Variants in MDGA2 observed in about 807,000 individuals in gnomAD.
MDGA2 encodes MAM domain-containing glycosylphosphatidylinositol anchor protein 2.
MDGA2 carries 40 observed loss-of-function variants against 117.8 expected under a neutral mutation model. The ratio of observed to expected loss-of-function variants is 0.34; its 90% CI spans 0.26 to 0.44. MDGA2 has a LOEUF of 0.44. Ranked by LOEUF, MDGA2 falls within the 20% of genes least tolerant of loss-of-function variation. The probability of loss-of-function intolerance (pLI) is 1.00; values close to 1 mark genes in which losing one functional copy is unlikely to be tolerated. For synonymous variants in MDGA2, 452 were observed against 439.0 expected, an observed-to-expected ratio of 1.03 and a Z score of -0.37; for missense variants, 1,123 against 1,250.6, an observed-to-expected ratio of 0.90 and a Z score of 1.54.
At chr14:47,324,603 T>A (rs909032111) in intron 1 of MDGA2, among the ~76,000 whole-genome samples, 3 of 152,180 alleles carry the variant, frequency 2.0e-5, no homozygotes, top group Admixed American at 2.0e-4. Flanking sequence ...CATCTTAGTT[T>A]CCTTGAAAAA....
intron 6 of MDGA2, among the ~76,000 whole-genome samples, chr14:47,066,581 T>C (rs746237321): frequency 6.6e-6 from 1 of 152,216 alleles, no homozygotes; most frequent in Non-Finnish European, 1.5e-5. Flanking sequence ...ACTAGTTAGC[T>C]ATGTGTATGG....
chr14:47,067,604 C>G (rs1009263821), intron 6 of MDGA2, among the ~76,000 whole-genome samples: 1 of 152,116 alleles, frequency 6.6e-6, no homozygotes, highest in Non-Finnish European at 1.5e-5. Flanking sequence ...CTCTTTCTTT[C>G]CAACCAACAA....
intron 1 of MDGA2, among the ~76,000 whole-genome samples, chr14:47,465,497 AC>A (rs1271749409): frequency 2.6e-5 from 4 of 152,058 alleles, no homozygotes; most frequent in Admixed American, 6.6e-5. Context: ...AAAACAAACA[AC>A]CCCATTAAAA....
At chr14:47,547,618 C>A (rs1895489639) in intron 1 of MDGA2, among the ~76,000 whole-genome samples, 1 of 152,178 alleles carries the variant, frequency 6.6e-6, no homozygotes, top group Non-Finnish European at 1.5e-5. Flanking sequence ...ACTTGACATT[C>A]CCAGGTTTGC....
chr14:46,857,363 T>G (rs1594997995), intron 14 of MDGA2, among the ~76,000 whole-genome samples: 2 of 152,136 alleles, frequency 1.3e-5, no homozygotes, highest in Middle Eastern at 3.4e-3. Flanking sequence ...TCTCTCATAT[T>G]TCTTGTGAGG....
chr14:47,280,295 C>A, intron 2 of MDGA2, among the ~76,000 whole-genome samples: 1 of 36,898 alleles, frequency 2.7e-5, no homozygotes. Flanking sequence ...GCCTGGGCAA[C>A]AAAAGTGAAA....
chr14:47,564,662 C>A (rs1017967526), intron 1 of MDGA2, among the ~76,000 whole-genome samples: 38 of 152,080 alleles, frequency 2.5e-4, no homozygotes, highest in Non-Finnish European at 5.0e-4. Flanking sequence ...TATCAGCTGG[C>A]GTCTGTAGTG....
rs200160334 is a variant in MDGA2, at chr14:47,035,057, T to G, written c.1773A>C (p.Gly591=). Residue 591 remains glycine (G), a synonymous_variant, in exon 8 of 17, where the codon GGA becomes GGC. Transcript: ENST00000399232. ...MYRCQTSQYN[G]FNVKPREALV... ...AGGCTTCCCTTGGTTTCACGTTAAA[T>G]CCATTGTATTGGCTGGTCTGACATC... is the stretch of plus-strand genomic sequence containing the variant. The G allele has an allele frequency of 2.9e-5, 47 of 1,614,118 alleles. No individual in the cohort carries two copies. In the African/African-American group the frequency reaches 5.6e-4, roughly 19 times the overall value.
intron 8 of MDGA2, among the ~76,000 whole-genome samples, chr14:46,965,175 G>T (rs902543592): frequency 2.0e-5 from 3 of 149,752 alleles, no homozygotes; most frequent in East Asian, 4.0e-4. Context: ...CGCCCGCCTC[G>T]GCCTCCCAAA....
chr14:47,029,547 T>C (rs1888586814), intron 8 of MDGA2, among the ~76,000 whole-genome samples: 1 of 152,168 alleles, frequency 6.6e-6, no homozygotes, highest in East Asian at 1.9e-4. Flanking sequence ...TGCATCTACA[T>C]GGTGGAGATT....
At chr14:47,427,950 T>A (rs552952066) in intron 1 of MDGA2, among the ~76,000 whole-genome samples, 13 of 152,246 alleles carry the variant, frequency 8.5e-5, no homozygotes, top group African/African-American at 2.9e-4. Flanking sequence ...GAGAAAAAAA[T>A]AAACTGGTGC....
At chr14:47,523,030 C>G (rs566288338) in intron 1 of MDGA2, among the ~76,000 whole-genome samples, 2 of 152,256 alleles carry the variant, frequency 1.3e-5, no homozygotes, top group African/African-American at 4.8e-5. Flanking sequence ...TAAAGCTGCC[C>G]TTTGCAAAGC....
intron 3 of MDGA2, among the ~76,000 whole-genome samples, chr14:47,182,338 C>A (rs975877020): frequency 5.3e-5 from 8 of 151,964 alleles, no homozygotes; most frequent in Admixed American, 5.3e-4. Flanking sequence ...AAGCCCTAAC[C>A]CCCAATGTGG....
At chr14:47,525,824 C>G (rs1426799889) in intron 1 of MDGA2, among the ~76,000 whole-genome samples, 2 of 150,744 alleles carry the variant, frequency 1.3e-5, no homozygotes, top group African/African-American at 4.9e-5. Flanking sequence ...CTGGAGTGTA[C>G]AGACTTTGGA....
chr14:47,556,112 C>T (rs1895677914), intron 1 of MDGA2, among the ~76,000 whole-genome samples: 2 of 152,136 alleles, frequency 1.3e-5, no homozygotes, highest in South Asian at 4.1e-4. Flanking sequence ...TGGCTATATT[C>T]GGGTGGGTAG....
chr14:47,603,295 G>A (rs528561029), intron 1 of MDGA2, among the ~76,000 whole-genome samples: 16 of 152,034 alleles, frequency 1.1e-4, no homozygotes, highest in South Asian at 4.2e-4. Flanking sequence ...TGAAACTATC[G>A]GATTTCATTT....
At chr14:47,574,844 A>C (rs952168159) in intron 1 of MDGA2, among the ~76,000 whole-genome samples, 1 of 152,154 alleles carries the variant, frequency 6.6e-6, no homozygotes, top group African/African-American at 2.4e-5. Flanking sequence ...CAGTCACTAG[A>C]GCTGGAATTT....
intron 10 of MDGA2, among the ~76,000 whole-genome samples, chr14:46,892,518 A>C (rs1882922236): frequency 6.6e-6 from 1 of 151,994 alleles, no homozygotes; most frequent in Admixed American, 6.6e-5. Flanking sequence ...ACTACATCAA[A>C]CTAAAAAGCT....
chr14:47,626,154 T>A (rs934917410), intron 1 of MDGA2, among the ~76,000 whole-genome samples: 4 of 152,250 alleles, frequency 2.6e-5, no homozygotes, highest in Non-Finnish European at 5.9e-5. Flanking sequence ...GCATTCTATC[T>A]ATCAACAATC....
Sources: gnomAD v4.1 joint callset for allele counts (sites outside exome capture counted in the v4.1 genomes callset) on GRCh38, gnomAD v4.1.1 for gene constraint, MANE v1.5 for transcripts, NCBI Gene and HGNC (gene_info 2026-07-23, HGNC 2026-07-21) for gene names.